Variants in KRT6B observed in about 807,000 individuals in gnomAD.
KRT6B encodes the protein keratin 6B, also known as keratin, type II cytoskeletal 6B.
In KRT6B, 29 loss-of-function variants were observed where a neutral mutation model predicts 44.7. The observed-to-expected ratio is 0.65, with a 90% confidence interval of 0.48 to 0.88. The LOEUF (loss-of-function observed/expected upper bound fraction) is 0.88, where lower values mean the gene tolerates loss of function less well. Ranked by LOEUF, KRT6B falls within the 40% of genes least tolerant of loss-of-function variation. The pLI, the probability that KRT6B is intolerant of heterozygous loss-of-function variation, is 0.00. For missense variants in KRT6B, 600 were observed against 724.0 expected (o/e 0.83, Z 1.97); for synonymous variants, 213 against 296.0 (o/e 0.72, Z 2.88).
chr12:52,450,137 G>T (rs370850515), intron 2 of KRT6B, 65 bp from the exon 3 acceptor site: 10 of 1,613,184 alleles, frequency 6.2e-6, no homozygotes, highest in Non-Finnish European at 8.5e-6. Context: ...AAAGCAGCTT[G>T]GGATTCAACA....
chr12:52,449,487 C>T lies in KRT6B; in HGVS notation c.1059G>A (p.Glu353=), dbSNP rs1940363250. ...TGCTCACCTTTGTCTGGTACCAGGA[C>T]TCAGCCTCAGCCCTGCTCCTCTGAG... ...EIAQRSRAEA[E]SWYQTKYEEL... is the part of the protein sequence containing the mutation. Residue 353 remains glutamate, a synonymous_variant, in exon 5 of 9, where the codon GAG becomes GAA. Transcript: ENST00000252252. 1 of 1,614,078 alleles carries T rather than the reference C, an allele frequency of 6.2e-7. No homozygotes were observed. The highest frequency in any genetic ancestry group is 8.5e-7 in the Non-Finnish European group (1 of 1,180,052).
Position 52,450,552 on chromosome 12 carries a change from G to A in KRT6B, c.609C>T (p.Thr203=), listed in dbSNP as rs147485252. 3.9e-3 allele frequency: 6,239 copies of A among 1,614,198 alleles called. 20 individuals are homozygous for A. The highest frequency in any genetic ancestry group is 4.8e-3 in the Non-Finnish European group (5,674 of 1,180,048). ...TKWTLLQEQG[T]KTVRQNLEPL... ...GCTCCAGGTTCTGCCTCACAGTCTT[G>A]GTGCCCTGCTCCTGCAGCAGGGTCC... The change falls in exon 2 of 9, where the codon ACC becomes ACT. Residue 203 remains threonine (T), a synonymous_variant. Transcript: ENST00000252252.
chr12:52,448,037 T>A (rs771317263), intron 6 of KRT6B, 39 bp from the exon 7 acceptor site: 1 of 1,613,530 alleles, frequency 6.2e-7, no homozygotes, highest in Non-Finnish European at 8.5e-7. Context: ...TGTCATCTGG[T>A]CTTCCAGAGA....
At chr12:52,449,197 T>C (rs1215875232) in intron 5 of KRT6B, among the ~76,000 whole-genome samples, 14 of 152,328 alleles carry the variant, frequency 9.2e-5, no homozygotes, top group African/African-American at 3.4e-4. Flanking sequence ...AGAAATGTTC[T>C]GTACCAATTT....
At chr12:52,450,245 C>A (rs753590738) in intron 2 of KRT6B, among the ~76,000 whole-genome samples, 161 bp downstream of exon 2, 21 of 152,192 alleles carry the variant, frequency 1.4e-4, no homozygotes, top group Non-Finnish European at 2.9e-4. Context: ...CTTTAATCTC[C>A]CCATCCTCCC....
rs1233030650 is a variant in KRT6B at position 52,447,011 on chromosome 12, G to T, written c.*179C>A. ...GAGTGCTGATAACTGTTGACTTGAT[G>T]GTAAGCAACAGGAGCTCAGTGGAAC... On this transcript the variant is annotated 3_prime_UTR_variant, in exon 9 of 9. Coordinates refer to ENST00000252252, the MANE Select transcript of KRT6B (RefSeq NM_005555.4). 2.8e-5 allele frequency: 20 copies of T among 708,346 alleles called. No individual in the cohort carries two copies. Among genetic ancestry groups the T allele is most frequent in the Non-Finnish European group, 4.2e-5 (18 of 427,076 alleles). The allele number at this position is 708,346 out of a possible 1,614,324, so 43.9% of individuals were successfully genotyped here.
intron 1 of KRT6B, among the ~76,000 whole-genome samples, chr12:52,450,961 G>C (rs184910878): frequency 6.6e-6 from 1 of 152,050 alleles, no homozygotes. Flanking sequence ...TTTTTACCGA[G>C]AGGATCTTAG....
chr12:52,449,667 T>A (rs369636090), intron 4 of KRT6B, 34 bp from the exon 5 acceptor site: 65 of 1,613,880 alleles, frequency 4.0e-5, no homozygotes, highest in South Asian at 1.3e-4. Context: ...TCAACTTCAC[T>A]TCTGACATTT....
At chr12:52,449,065 A>G (rs1940356447) in intron 5 of KRT6B, 98 bp from the exon 6 acceptor site, 2 of 1,529,124 alleles carry the variant, frequency 1.3e-6, no homozygotes, top group Non-Finnish European at 9.0e-7. Flanking sequence ...AAGTGGACCT[A>G]ATGGCTTCTC....
intron 4 of KRT6B, 30 bp downstream of exon 4, chr12:52,449,728 A>T: frequency 6.2e-7 from 1 of 1,614,140 alleles, no homozygotes; most frequent in Non-Finnish European, 8.5e-7. Context: ...ACCCCATCAG[A>T]GTAAACAGAA....
chr12:52,450,806 A>T (rs537797528), intron 1 of KRT6B, among the ~76,000 whole-genome samples, 186 bp from the exon 2 acceptor site: 1 of 152,362 alleles, frequency 6.6e-6, no homozygotes, highest in South Asian at 2.1e-4. Context: ...CTCACTAGAG[A>T]AATTGTCCCA....
Position 52,449,526 on chromosome 12 carries a change from T to G in KRT6B, c.1020A>C (p.Gln340His). ...LDSIIAEVKA[Q>H]YEEIAQRSRA... is the part of the protein sequence containing the mutation. ...TGCTCCTCTGAGCAATCTCCTCATATTGGGCCTTGACCTCAGCGATGATGC... is the reference window on the plus strand; with the variant it reads ...TGCTCCTCTGAGCAATCTCCTCATAGTGGGCCTTGACCTCAGCGATGATGC... The change falls in exon 5 of 9, where the codon CAA (glutamine) becomes CAC (histidine). Residue 340 changes from glutamine to histidine, a missense_variant. Gln to His is a conservative substitution (Grantham distance 24). Around this residue, in one of 4 missense-constraint regions of KRT6B, gnomAD observed 479 missense variants for 454.2 expected, o/e 1.05. Coordinates refer to ENST00000252252, the MANE Select transcript of KRT6B (RefSeq NM_005555.4). 1.2e-6 allele frequency: 2 copies of G among 1,614,170 alleles called. No homozygotes were observed. Among genetic ancestry groups the G allele is most frequent in the Non-Finnish European group, 1.7e-6 (2 of 1,180,034 alleles).
Position 52,447,852 on chromosome 12 carries a change from C to A in KRT6B, c.1350G>T (p.Glu450Asp). ...DLARLLKEYQELMNVKLALDV... is the reference protein window; with the variant it reads ...DLARLLKEYQDLMNVKLALDV... The stretch of plus-strand genomic sequence containing the variant: ...CCAGGGCCAGCTTGACGTTCATCAG[C>A]TCCTGGTACTCCTTCAGCAGCCGGG... The change falls in exon 7 of 9, where the codon GAG (glutamate) becomes GAT (aspartate). Residue 450 changes from glutamate (E) to aspartate (D), a missense_variant. By Grantham distance (45) the Glu-to-Asp change is conservative. This residue lies in a region of KRT6B where 479 missense variants were observed against 454.2 expected (regional missense o/e 1.05). Coordinates refer to ENST00000252252, the MANE Select transcript of KRT6B (RefSeq NM_005555.4). 1.9e-6 allele frequency: 3 copies of A among 1,614,184 alleles called. No individual in the cohort carries two copies. Among genetic ancestry groups the A allele is most frequent in the Non-Finnish European group, 8.5e-7 (1 of 1,180,040 alleles).
rs1257742631 is a variant in KRT6B, at chr12:52,449,463, G to A, written c.1077+6C>T. 1.2e-6 allele frequency: 2 copies of A among 1,614,090 alleles called. No individual in the cohort carries two copies. The highest frequency in any genetic ancestry group is 3.3e-5 in the Admixed American group (2 of 60,008). On this transcript the variant is annotated splice_donor_region_variant and intron_variant, in intron 5 of 8. Transcript: ENST00000252252. ...ATTCCTCAGCGGCTGTCCACTCCGT[G>A]CTCACCTTTGTCTGGTACCAGGACT...
chr12:52,447,270 G>A lies in KRT6B; in HGVS notation c.1615C>T (p.Leu539Phe). ...GAACTGCCGCCTCCAACAGAGCTGA[G>A]GCCACCCCCAGTGGCTCTGCCGCTG... Reference protein sequence around the residue: ...SSSGRATGGGLSSVGGGSSTI... With the variant: ...SSSGRATGGGFSSVGGGSSTI... The change falls in exon 9 of 9, where the codon CTC (leucine) becomes TTC (phenylalanine). Residue 539 changes from leucine (L) to phenylalanine (F), a missense_variant. Coordinates refer to ENST00000252252, the MANE Select transcript of KRT6B (RefSeq NM_005555.4). The A allele has an allele frequency of 5.0e-6, 8 of 1,614,032 alleles. No individual in the cohort carries two copies. Among genetic ancestry groups the A allele is most frequent in the Non-Finnish European group, 6.8e-6 (8 of 1,179,890 alleles).
Position 52,448,929 on chromosome 12 carries a change from G to A in KRT6B, c.1116C>T (p.Asp372=), listed in dbSNP as rs779910657. 8.1e-6 allele frequency: 13 copies of A among 1,613,476 alleles called. No homozygotes were observed. The highest frequency in any genetic ancestry group is 3.3e-5 in the South Asian group (3 of 91,036). The part of the protein sequence containing the change: ...ELQITAGRHG[D]DLRNTKQEIA... ...TCTCCTGCTTGGTGTTGCGCAGGTC[G>A]TCCCCATGTCTGCCTGCTGTGATCT... The change falls in exon 6 of 9, where the codon GAC becomes GAT. Residue 372 remains aspartate, a synonymous_variant. Coordinates refer to ENST00000252252, the MANE Select transcript of KRT6B (RefSeq NM_005555.4).
chr12:52,449,485 G>A lies in KRT6B; in HGVS notation c.1061C>T (p.Ser354Phe), dbSNP rs1565800238. 1.2e-6 allele frequency: 2 copies of A among 1,614,116 alleles called. No homozygotes were observed. The highest frequency in any genetic ancestry group is 1.7e-6 in the Non-Finnish European group (2 of 1,180,024). Residue 354 changes from serine to phenylalanine, a missense_variant, in exon 5 of 9, where the codon TCC becomes TTC. This residue lies in a region of KRT6B where 479 missense variants were observed against 454.2 expected (regional missense o/e 1.05). Transcript: ENST00000252252. ...IAQRSRAEAE[S>F]WYQTKYEELQ... is the part of the protein sequence containing the mutation. ...CGTGCTCACCTTTGTCTGGTACCAG[G>A]ACTCAGCCTCAGCCCTGCTCCTCTG... is the stretch of plus-strand genomic sequence containing the variant.
intron 6 of KRT6B, 85 bp downstream of exon 6, chr12:52,448,757 G>A: frequency 6.2e-7 from 1 of 1,609,790 alleles, no homozygotes; most frequent in Admixed American, 1.7e-5. Flanking sequence ...AATTCCCAAA[G>A]AATTTTACTA....
chr12:52,450,337 T>A lies in KRT6B; in HGVS notation c.755+69A>T, dbSNP rs1181284099. On this transcript the variant is annotated intron_variant, in intron 2 of 8. Transcript: ENST00000252252. ...TTCCATGGACATGGGTTGTTAGGAA[T>A]CCTACACACATCTGGCCCTGGTCAC... is the stretch of plus-strand genomic sequence containing the variant. 15 of 1,559,642 alleles carry A rather than the reference T, an allele frequency of 9.6e-6. No individual in the cohort carries two copies. In the East Asian group the frequency reaches 2.9e-4, roughly 30 times the overall value.
Sources: gnomAD v4.1 joint callset for allele counts (sites outside exome capture counted in the v4.1 genomes callset) on GRCh38, gnomAD v4.1.1 for gene constraint, gnomAD v4.1.1 regional missense constraint, MANE v1.5 for transcripts, NCBI Gene and HGNC (gene_info 2026-07-23, HGNC 2026-07-21) for gene names.